Variants in OC90 observed in about 807,000 individuals in gnomAD.
OC90 encodes otoconin-90.
In OC90, 46 loss-of-function variants were observed where a neutral mutation model predicts 47.3. That is an observed-to-expected ratio of 0.97 (90% confidence interval 0.77 to 1.24). OC90 has a LOEUF of 1.24. Ranked by LOEUF, OC90 falls within the 50% of genes most tolerant of loss-of-function variation. The pLI is 0.00. For missense variants in OC90, 688 were observed against 583.9 expected, an observed-to-expected ratio of 1.18 and a Z score of -1.84; for synonymous variants, 271 against 219.5, an observed-to-expected ratio of 1.23 and a Z score of -2.07.
At chr8:132,031,446 T>C (rs1822873019) in intron 12 of OC90, among the ~76,000 whole-genome samples, 1 of 152,214 alleles carries the variant, frequency 6.6e-6, no homozygotes, top group Non-Finnish European at 1.5e-5. Flanking sequence ...AAGTTATACT[T>C]AAAAGGCTAA....
Position 132,024,770 on chromosome 8 carries a change from C to T in OC90, c.1145G>A (p.Gly382Asp), listed in dbSNP as rs368085588. 26 of 1,611,194 alleles carry T rather than the reference C, an allele frequency of 1.6e-5. No individual in the cohort carries two copies. The African/African-American group carries it at 3.1e-4, about 19-fold the overall frequency. Residue 382 changes from glycine to aspartate, a missense_variant, in exon 14 of 14, where the codon GGC becomes GAC. By Grantham distance (94) the Gly-to-Asp change is moderately conservative. Coordinates refer to ENST00000254627, the MANE Select transcript of OC90 (RefSeq NM_001080399.3). ...VCVDHTPKCG[G>D]QSLCEKLLCA... ...GAGCAACTTCTCACACAGGCTTTGG[C>T]CCCCACCTTAGAAGGAAAGAGCAGA...
At chr8:132,026,499 T>C (rs764284261) in intron 13 of OC90, among the ~76,000 whole-genome samples, 2 of 152,184 alleles carry the variant, frequency 1.3e-5, no homozygotes, top group Non-Finnish European at 2.9e-5. Context: ...AGAGGTCCTG[T>C]TCCCCAGAGC....
At chr8:132,033,245 GCAAA>G (rs1219133772) in intron 10 of OC90, 81 bp from the exon 11 acceptor site, 21 of 1,380,248 alleles carry the variant, frequency 1.5e-5, no homozygotes, top group Admixed American at 2.0e-5. Flanking sequence ...AAAGCCAAAT[GCAAA>G]CAGATAGAAC....
At chr8:132,059,101 A>C in intron 1 of OC90, among the ~76,000 whole-genome samples, 1 of 125,424 alleles carries the variant, frequency 8.0e-6, no homozygotes, top group Non-Finnish European at 1.6e-5. Context: ...TTCCTTCATC[A>C]ATTTCTCCTA....
chr8:132,042,410 G>T (rs1033471194), intron 4 of OC90, among the ~76,000 whole-genome samples: 2 of 151,910 alleles, frequency 1.3e-5, no homozygotes, highest in African/African-American at 4.8e-5. Flanking sequence ...TAGATTAAAG[G>T]GTACACAGGC....
chr8:132,036,281 G>T lies in OC90; in HGVS notation c.679+1157C>A. 2.1e-5 allele frequency: 16 copies of T among 764,198 alleles called. 1 individual carries two copies. In the South Asian group the frequency reaches 2.2e-4, roughly 11 times the overall value. The allele number at this position is 764,198 out of a possible 1,614,324, so 47.3% of individuals were successfully genotyped here. The stretch of plus-strand genomic sequence containing the variant: ...TTTATTTCAGGTTCCATTAAGAAGT[G>T]GTCACAGGACTGAGCACAGATTTTT... On this transcript the variant is annotated intron_variant, in intron 9 of 13. Transcript: ENST00000254627.
Position 132,031,924 on chromosome 8 carries a change from A to T in OC90, c.988T>A (p.Cys330Ser), listed in dbSNP as rs780890780. ...GGCTCGCCTCTTCCTTCTTGTCCACAGTAACAGCCATAAGACTCAAATTCC... is the reference window on the plus strand; with the variant it reads ...GGCTCGCCTCTTCCTTCTTGTCCACTGTAACAGCCATAAGACTCAAATTCC... ...PEEFESYGCY[C>S]GQEGRGEPRD... is the part of the protein sequence containing the mutation. The change falls in exon 12 of 14, where the codon TGT (cysteine) becomes AGT (serine). Residue 330 changes from cysteine to serine, a missense_variant. By Grantham distance (112) the Cys-to-Ser change is moderately radical (BLOSUM62 -1). Coordinates refer to ENST00000254627, the MANE Select transcript of OC90 (RefSeq NM_001080399.3). 2 of 1,614,006 alleles carry T rather than the reference A, an allele frequency of 1.2e-6. No individual in the cohort carries two copies. The highest frequency in any genetic ancestry group is 4.5e-5 in the East Asian group (2 of 44,878).
At chr8:132,028,799 G>GAAAGAAAGAA (rs1431663172) in intron 13 of OC90, among the ~76,000 whole-genome samples, 4 of 36,628 alleles carry the variant, frequency 1.1e-4, no homozygotes, top group Non-Finnish European at 1.0e-4. Context: ...AAAGAAGAAG[G>GAAAGAAAGAA]AAAGAAAGAA....
At chr8:132,049,820 A>G (rs768735653) in intron 2 of OC90, 2 of 517,658 alleles carry the variant, frequency 3.9e-6, no homozygotes, top group South Asian at 2.8e-5. Flanking sequence ...TGCCATGGCC[A>G]CGTGACATGG....
chr8:132,051,739 T>G (rs1376290713), intron 2 of OC90, among the ~76,000 whole-genome samples: 2 of 152,146 alleles, frequency 1.3e-5, no homozygotes, highest in Non-Finnish European at 2.9e-5. Context: ...TTTGCAGGGA[T>G]GGGCAGATAA....
intron 11 of OC90, 78 bp from the exon 12 acceptor site, chr8:132,032,130 G>T: frequency 1.5e-6 from 2 of 1,344,516 alleles, no homozygotes; most frequent in Non-Finnish European, 2.1e-6. Context: ...GTGAGCCTCC[G>T]GGTTGTATGT....
At chr8:132,052,196 A>G (rs1402153339) in intron 2 of OC90, among the ~76,000 whole-genome samples, 1 of 152,160 alleles carries the variant, frequency 6.6e-6, no homozygotes, top group African/African-American at 2.4e-5. Context: ...CCTGAGAACT[A>G]CAGGCTTTGA....
At chr8:132,049,103 G>C (rs1460041480) in intron 2 of OC90, among the ~76,000 whole-genome samples, 1 of 150,702 alleles carries the variant, frequency 6.6e-6, no homozygotes, top group Non-Finnish European at 1.5e-5. Flanking sequence ...AGAGGGGAAA[G>C]GGAACAGTGA....
chr8:132,048,878 A>G (rs1031958080), intron 2 of OC90, among the ~76,000 whole-genome samples: 4 of 151,488 alleles, frequency 2.6e-5, no homozygotes, highest in African/African-American at 9.8e-5. Flanking sequence ...GCAACCCCCT[A>G]TGACCCATCT....
intron 12 of OC90, among the ~76,000 whole-genome samples, chr8:132,030,463 A>G (rs1383184216): frequency 6.6e-6 from 1 of 152,210 alleles, no homozygotes; most frequent in Non-Finnish European, 1.5e-5. Flanking sequence ...GTCAGTTATC[A>G]GGAAACACCT....
In OC90 at chr8:132,024,435, A is replaced by G. The variant is rs568937477; in HGVS notation, c.*46T>C. The G allele has an allele frequency of 2.8e-5, 39 of 1,399,544 alleles. No homozygotes were observed. The Admixed American group carries it at 8.0e-4, about 29-fold the overall frequency. 86.7% of individuals were successfully genotyped at this position (1,399,544 alleles called of 1,614,324 possible). On this transcript the variant is annotated 3_prime_UTR_variant, in exon 14 of 14. Coordinates refer to ENST00000254627, the MANE Select transcript of OC90 (RefSeq NM_001080399.3). ...CTGAGAGATAAAGAGCTGAAGGTGG[A>G]GCAGGAGCCACGCTACTGAAGGTGT... is the stretch of plus-strand genomic sequence containing the variant.
rs766805907 is a variant in OC90, at chr8:132,024,689, C to T, written c.1226G>A (p.Ser409Asn). 5 of 1,613,594 alleles carry T rather than the reference C, an allele frequency of 3.1e-6. No individual in the cohort carries two copies. In the African/African-American group the frequency reaches 4.0e-5, roughly 13 times the overall value. The change falls in exon 14 of 14, where the codon AGC becomes AAC. Residue 409 changes from serine (S) to asparagine (N), a missense_variant. Transcript: ENST00000254627. ...CCCGAGTCTGCTTGGGGACTTGAGGCTTTGGTTAAAGGAGGCAGAGGTCAT... is the reference window on the plus strand; with the variant it reads ...CCCGAGTCTGCTTGGGGACTTGAGGTTTTGGTTAAAGGAGGCAGAGGTCAT... ...ECMTSASFNQ[S>N]LKSPSRLGCP...
intron 2 of OC90, among the ~76,000 whole-genome samples, chr8:132,051,362 T>C (rs1435148275): frequency 6.6e-6 from 1 of 152,256 alleles, no homozygotes; most frequent in Non-Finnish European, 1.5e-5. Flanking sequence ...CTGCCTTCTC[T>C]TTAGCCAAGC....
At chr8:132,056,881 C>G (rs1823286042) in intron 1 of OC90, among the ~76,000 whole-genome samples, 2 of 152,150 alleles carry the variant, frequency 1.3e-5, no homozygotes, top group African/African-American at 4.8e-5. Context: ...GACCATCACA[C>G]CATGACAGGT....
Sources: allele counts gnomAD v4.1 joint callset (sites outside exome capture counted in the v4.1 genomes callset), GRCh38; gene constraint gnomAD v4.1.1; transcripts MANE v1.5; gene names NCBI Gene and HGNC (gene_info 2026-07-23, HGNC 2026-07-21).